Variants in SORCS3 observed in about 807,000 individuals in gnomAD.
SORCS3 encodes sortilin related VPS10 domain containing receptor 3.
In SORCS3, 57 loss-of-function variants were observed where a neutral mutation model predicts 146.3. The observed-to-expected ratio is 0.39, with a 90% CI of 0.31 to 0.49. The LOEUF (loss-of-function observed/expected upper bound fraction) is 0.49, where lower values mean the gene tolerates loss of function less well. SORCS3 is among the 20% of genes least tolerant of loss of function. The pLI is 0.92. For synonymous variants in SORCS3, 653 were observed against 618.5 expected (o/e 1.06, Z -0.83); for missense variants, 1,341 against 1,575.5 (o/e 0.85, Z 2.52).
At chr10:105,031,310 A>G (rs1285336067) in intron 4 of SORCS3, among the ~76,000 whole-genome samples, 1 of 140,006 alleles carries the variant, frequency 7.1e-6, no homozygotes, top group Non-Finnish European at 1.5e-5. Context: ...AAAAAAACAA[A>G]CAAACAACAC....
At chr10:105,167,927 A>G (rs1316796013) in intron 13 of SORCS3, among the ~76,000 whole-genome samples, 1 of 152,154 alleles carries the variant, frequency 6.6e-6, no homozygotes, top group Admixed American at 6.5e-5. Flanking sequence ...CTGAAAACCA[A>G]TATTCAGATG....
chr10:104,721,312 C>A (rs1214286530), intron 1 of SORCS3, among the ~76,000 whole-genome samples: 1 of 152,134 alleles, frequency 6.6e-6, no homozygotes, highest in Non-Finnish European at 1.5e-5. Context: ...TTTCTGAGGG[C>A]TCTGTTCTGT....
chr10:105,248,484 CG>C (rs2056880291), intron 22 of SORCS3, among the ~76,000 whole-genome samples: 1 of 152,046 alleles, frequency 6.6e-6, no homozygotes, highest in Non-Finnish European at 1.5e-5. Context: ...GAGGCCGAGG[CG>C]GGTGTATCAC....
intron 17 of SORCS3, 23 bp from the exon 18 acceptor site, chr10:105,214,419 T>C: frequency 6.2e-7 from 1 of 1,613,310 alleles, no homozygotes; most frequent in East Asian, 2.2e-5. Context: ...CACAAACCAC[T>C]ATCAATTGTC....
intron 3 of SORCS3, among the ~76,000 whole-genome samples, chr10:104,968,329 T>G (rs2054838431): frequency 6.6e-6 from 1 of 152,204 alleles, no homozygotes; most frequent in African/African-American, 2.4e-5. Context: ...TTGGTCAGGC[T>G]GGTCTCGAAC....
intron 7 of SORCS3, among the ~76,000 whole-genome samples, chr10:105,112,832 G>T (rs1056643023): frequency 6.6e-6 from 1 of 152,180 alleles, no homozygotes; most frequent in African/African-American, 2.4e-5. Flanking sequence ...GAGGACGAGA[G>T]ACTTTGGTGG....
At chr10:104,780,092 G>T (rs1026173931) in intron 1 of SORCS3, among the ~76,000 whole-genome samples, 1 of 151,518 alleles carries the variant, frequency 6.6e-6, no homozygotes, top group Admixed American at 6.6e-5. Context: ...AATCGAATTG[G>T]CTGCACTTGT....
chr10:104,718,194 A>G (rs1001771413), intron 1 of SORCS3, among the ~76,000 whole-genome samples: 10 of 152,076 alleles, frequency 6.6e-5, no homozygotes, highest in African/African-American at 2.2e-4. Context: ...AAGAGAAAGA[A>G]GTGTATTTGG....
At chr10:105,046,591 T>C (rs2055373309) in intron 5 of SORCS3, among the ~76,000 whole-genome samples, 1 of 152,146 alleles carries the variant, frequency 6.6e-6, no homozygotes. Context: ...GTTATCATTA[T>C]TATCCGCTTC....
chr10:105,185,073 G>A (rs970531927), intron 14 of SORCS3, among the ~76,000 whole-genome samples: 1 of 152,038 alleles, frequency 6.6e-6, no homozygotes, highest in Non-Finnish European at 1.5e-5. Flanking sequence ...TGTGTCCTTC[G>A]ATGATTGGCT....
intron 1 of SORCS3, among the ~76,000 whole-genome samples, chr10:104,767,874 T>A (rs2017200020): frequency 6.7e-6 from 1 of 150,268 alleles, no homozygotes; most frequent in Non-Finnish European, 1.5e-5. Flanking sequence ...TTTATGAGTC[T>A]ATTAGAGCTT....
At chr10:105,223,045 A>G (rs2119670584) in intron 19 of SORCS3, 71 bp from the exon 20 acceptor site, 3 of 1,452,862 alleles carry the variant, frequency 2.1e-6, no homozygotes, top group South Asian at 1.5e-5. Flanking sequence ...TAAGGTTAAG[A>G]ATCTAGGGGT....
chr10:105,024,088 T>C (rs574716345), intron 4 of SORCS3, among the ~76,000 whole-genome samples: 3 of 152,220 alleles, frequency 2.0e-5, no homozygotes, highest in Non-Finnish European at 4.4e-5. Flanking sequence ...ATGGAAACAC[T>C]GTCAGTGTTC....
At chr10:104,681,095 C>T (rs776299777) in intron 1 of SORCS3, among the ~76,000 whole-genome samples, 7 of 152,238 alleles carry the variant, frequency 4.6e-5, no homozygotes, top group Non-Finnish European at 8.8e-5. Flanking sequence ...GTAACACATG[C>T]CGGTCTCCCT....
chr10:105,119,747 G>A (rs1482594436), intron 7 of SORCS3, among the ~76,000 whole-genome samples: 1 of 152,094 alleles, frequency 6.6e-6, no homozygotes, highest in Non-Finnish European at 1.5e-5. Context: ...CTTTGTTCTG[G>A]CCAATTTCTC....
At chr10:104,917,350 T>G (rs1025249869) in intron 3 of SORCS3, among the ~76,000 whole-genome samples, 1 of 152,228 alleles carries the variant, frequency 6.6e-6, no homozygotes, top group African/African-American at 2.4e-5. Flanking sequence ...ATAGTTTCTT[T>G]TAATTTGTTT....
chr10:104,801,079 C>T (rs532517361), intron 1 of SORCS3, among the ~76,000 whole-genome samples: 10 of 152,270 alleles, frequency 6.6e-5, no homozygotes, highest in Admixed American at 1.3e-4. Flanking sequence ...CATAGACAGG[C>T]AGCTTTATTG....
At chr10:105,230,333 G>T (rs957847256) in intron 20 of SORCS3, among the ~76,000 whole-genome samples, 1 of 152,150 alleles carries the variant, frequency 6.6e-6, no homozygotes, top group African/African-American at 2.4e-5. Flanking sequence ...AGGTTGGGGA[G>T]TGGGAGTGGT....
intron 14 of SORCS3, among the ~76,000 whole-genome samples, chr10:105,187,216 C>T (rs1028660001): frequency 6.6e-6 from 1 of 152,142 alleles, no homozygotes; most frequent in African/African-American, 2.4e-5. Context: ...CTTCCACCCA[C>T]CTCTTCCCCC....
Sources: allele counts gnomAD v4.1 joint callset (sites outside exome capture counted in the v4.1 genomes callset), GRCh38; gene constraint gnomAD v4.1.1; transcripts MANE v1.5; gene names NCBI Gene and HGNC (gene_info 2026-07-23, HGNC 2026-07-21).